Variants in PHF21B observed in about 807,000 individuals in gnomAD.
PHF21B encodes the protein PHD finger protein 4.
In PHF21B, 22 loss-of-function variants were observed where a neutral mutation model predicts 62.2. The ratio of observed to expected loss-of-function variants is 0.35; its 90% CI spans 0.25 to 0.51. The LOEUF (loss-of-function observed/expected upper bound fraction) is 0.51, where lower values mean the gene tolerates loss of function less well. Among genes scored for constraint, PHF21B ranks in the 20% least tolerant of loss-of-function variants. The pLI, the probability that PHF21B is intolerant of heterozygous loss-of-function variation, is 0.97. For missense variants in PHF21B, 701 were observed against 707.9 expected, an observed-to-expected ratio of 0.99 and a Z score of 0.11; for synonymous variants, 341 against 314.7, an observed-to-expected ratio of 1.08 and a Z score of -0.88.
intron 2 of PHF21B, among the ~76,000 whole-genome samples, chr22:45,005,481 G>C (rs1291570095): frequency 6.6e-6 from 1 of 152,172 alleles, no homozygotes; most frequent in East Asian, 1.9e-4. Flanking sequence ...CAGTTACACA[G>C]AAAACATATC....
intron 2 of PHF21B, among the ~76,000 whole-genome samples, chr22:44,934,049 C>A (rs2071796525): frequency 6.6e-6 from 1 of 152,200 alleles, no homozygotes; most frequent in Non-Finnish European, 1.5e-5. Flanking sequence ...AACCACAAGA[C>A]CAGAGGGGCC....
intron 9 of PHF21B, 99 bp from the exon 10 acceptor site, chr22:44,888,220 T>C (rs2070895071): frequency 3.1e-6 from 4 of 1,276,858 alleles, no homozygotes; most frequent in East Asian, 3.0e-5. Flanking sequence ...CTGACCTACA[T>C]GTGGCCGCTC....
intron 2 of PHF21B, among the ~76,000 whole-genome samples, chr22:44,976,114 T>TG (rs2072734168): frequency 6.6e-6 from 1 of 152,206 alleles, no homozygotes; most frequent in Non-Finnish European, 1.5e-5. Context: ...GAGGCTGCAG[T>TG]GGGTCATGAT....
chr22:44,953,622 T>C (rs1013991635), intron 2 of PHF21B, among the ~76,000 whole-genome samples: 2 of 152,136 alleles, frequency 1.3e-5, no homozygotes, highest in Admixed American at 6.5e-5. Flanking sequence ...CCTGCTAAAA[T>C]GGAGATTCCC....
intron 2 of PHF21B, chr22:44,989,431 G>GT (rs2073006734): frequency 6.6e-6 from 1 of 152,148 alleles, no homozygotes; most frequent in African/African-American, 2.4e-5. Flanking sequence ...ACGGGTTAAT[G>GT]TAAGTGGCAA....
intron 11 of PHF21B, among the ~76,000 whole-genome samples, 156 bp downstream of exon 11, chr22:44,885,707 C>T (rs1052196788): frequency 6.6e-6 from 1 of 152,204 alleles, no homozygotes; most frequent in Admixed American, 6.5e-5. Flanking sequence ...ACACCTGCCC[C>T]GGACACAGGA....
At chr22:44,999,316 G>A (rs537549520) in intron 2 of PHF21B, among the ~76,000 whole-genome samples, 1 of 152,142 alleles carries the variant, frequency 6.6e-6, no homozygotes, top group Non-Finnish European at 1.5e-5. Flanking sequence ...ATAAAAAGGA[G>A]AGCAGAACGC....
chr22:44,916,360 C>A lies in PHF21B; in HGVS notation c.484G>T (p.Ala162Ser). Residue 162 changes from alanine (A) to serine (S), a missense_variant, in exon 4 of 13, where the codon GCC (alanine) becomes TCC (serine). Coordinates refer to ENST00000313237, the MANE Select transcript of PHF21B (RefSeq NM_138415.5). ...IISTSPSNAA[A>S]MAPSTAVSVV... ...GACACGGCGGTGCTGGGGGCCATGG[C>A]GGCGGCATTGCTGGGGGAGGTGGAG... The A allele has an allele frequency of 1.3e-6, 2 of 1,595,166 alleles. No homozygotes were observed. The highest frequency in any genetic ancestry group is 1.7e-4 in the Middle Eastern group (1 of 5,978).
intron 2 of PHF21B, among the ~76,000 whole-genome samples, chr22:44,924,051 A>AGAGGGAGGGAGG (rs199677263): frequency 2.1e-4 from 18 of 84,354 alleles, no homozygotes; most frequent in African/African-American, 8.3e-4. Flanking sequence ...AGGAGGAAGA[A>AGAGGGAGGGAGG]GAGGGAGGGA....
intron 2 of PHF21B, among the ~76,000 whole-genome samples, chr22:45,006,428 G>A (rs1398881703): frequency 2.0e-5 from 3 of 152,130 alleles, no homozygotes; most frequent in East Asian, 1.9e-4. Flanking sequence ...CCTCCTTCCC[G>A]GAGTTCAAAT....
At chr22:45,008,775 G>T in intron 1 of PHF21B, 165 bp from the exon 2 acceptor site, 1 of 1,153,762 alleles carries the variant, frequency 8.7e-7, no homozygotes, top group South Asian at 4.2e-5. Context: ...GCCGGGCAGT[G>T]CCGCGCGGGG....
In PHF21B at chr22:44,890,670, C is replaced by T. The variant is rs117799726; in HGVS notation, c.1015+636G>A. 2.4e-3 allele frequency among the ~76,000 whole-genome samples: 372 copies of T among 152,374 alleles called. 6 individuals carry two copies. In the East Asian group the frequency reaches 0.04, roughly 17 times the overall value. ...GAAGAGAACTGGCAGCTTCCTGCTG[C>T]TGTCTGAATGCAAGGATGTGGCTCC... is the stretch of plus-strand genomic sequence containing the variant. On this transcript the variant is annotated intron_variant, in intron 8 of 12. Coordinates refer to ENST00000313237, the MANE Select transcript of PHF21B (RefSeq NM_138415.5).
intron 2 of PHF21B, among the ~76,000 whole-genome samples, chr22:45,004,924 C>T (rs1378436573): frequency 6.6e-6 from 1 of 152,236 alleles, no homozygotes; most frequent in Non-Finnish European, 1.5e-5. Context: ...CTCCGGGGTC[C>T]TTCTCATGAG....
intron 2 of PHF21B, among the ~76,000 whole-genome samples, chr22:44,998,089 C>G (rs2073152329): frequency 6.6e-6 from 1 of 152,258 alleles, no homozygotes; most frequent in Admixed American, 6.5e-5. Flanking sequence ...ACCTGGAGAT[C>G]TGCAGCCAAT....
chr22:44,917,166 C>G (rs952686301), intron 3 of PHF21B, among the ~76,000 whole-genome samples: 5 of 152,214 alleles, frequency 3.3e-5, no homozygotes, highest in African/African-American at 1.2e-4. Context: ...TGAAGGTGTG[C>G]AGAGGGCAGC....
chr22:44,964,304 G>GAGGC (rs1198698684), intron 2 of PHF21B, among the ~76,000 whole-genome samples: 2 of 152,182 alleles, frequency 1.3e-5, no homozygotes, highest in Admixed American at 1.3e-4. Flanking sequence ...ATTCAACAGT[G>GAGGC]AGGCCACTCT....
intron 2 of PHF21B, among the ~76,000 whole-genome samples, chr22:44,998,122 A>C (rs1456371975): frequency 6.6e-6 from 1 of 152,226 alleles, no homozygotes; most frequent in Non-Finnish European, 1.5e-5. Flanking sequence ...GTTTCATCGT[A>C]TGGACCATTC....
intron 5 of PHF21B, among the ~76,000 whole-genome samples, chr22:44,906,970 C>A (rs955491971): frequency 5.3e-5 from 8 of 152,182 alleles, no homozygotes; most frequent in Admixed American, 1.3e-4. Flanking sequence ...CACCGCCCTG[C>A]AGTGGACACT....
At chr22:44,887,910 G>T in intron 10 of PHF21B, 53 bp downstream of exon 10, 1 of 1,375,106 alleles carries the variant, frequency 7.3e-7, no homozygotes, top group East Asian at 2.8e-5. Flanking sequence ...CTCTGCCTAC[G>T]GTGGGGACCT....
Sources: gnomAD v4.1 joint callset for allele counts (sites outside exome capture counted in the v4.1 genomes callset) on GRCh38, gnomAD v4.1.1 for gene constraint, MANE v1.5 for transcripts, NCBI Gene and HGNC (gene_info 2026-07-23, HGNC 2026-07-21) for gene names.